The following MUC7 variants were observed in gnomAD, a reference collection of about 807,000 sequenced individuals.
MUC7 encodes mucin-7.
Under a neutral mutation model 2.5 loss-of-function variants are expected in MUC7, and 2 were observed. That is an observed-to-expected ratio of 0.81 (90% CI 0.33 to 2.55). The LOEUF is 2.55. MUC7 is among the 30% of genes most tolerant of loss of function. The pLI is 0.11. For missense variants in MUC7, 408 were observed against 455.6 expected, an observed-to-expected ratio of 0.90 and a Z score of 0.95; for synonymous variants, 133 against 173.4, an observed-to-expected ratio of 0.77 and a Z score of 1.83.
intron 1 of MUC7, among the ~76,000 whole-genome samples, chr4:70,444,716 C>T (rs1577900749): frequency 1.3e-5 from 2 of 152,160 alleles, no homozygotes; most frequent in African/African-American, 2.4e-5. Flanking sequence ...ATATCATATA[C>T]TGGTACTTAT....
intron 1 of MUC7, among the ~76,000 whole-genome samples, chr4:70,441,960 T>C (rs1246046603): frequency 1.3e-5 from 2 of 152,100 alleles, no homozygotes; most frequent in African/African-American, 4.8e-5. Flanking sequence ...GGTGAGTGAA[T>C]ACAACTCTAG....
chr4:70,432,839 C>A (rs1043791889), intron 1 of MUC7, among the ~76,000 whole-genome samples: 2 of 152,100 alleles, frequency 1.3e-5, no homozygotes, highest in African/African-American at 4.8e-5. Flanking sequence ...CCTAGGTTTT[C>A]TTCTAAGGTT....
At chr4:70,451,595 C>G (rs1173304546) in intron 1 of MUC7, among the ~76,000 whole-genome samples, 1 of 151,834 alleles carries the variant, frequency 6.6e-6, no homozygotes, top group East Asian at 1.9e-4. Context: ...TTATTGATTT[C>G]TAGTTTCATT....
chr4:70,475,886 T>C (rs1028067090), intron 2 of MUC7, among the ~76,000 whole-genome samples: 3 of 152,190 alleles, frequency 2.0e-5, no homozygotes, highest in African/African-American at 7.2e-5. Context: ...TTCTCATATT[T>C]CTCACTTACC....
At chr4:70,446,088 G>T (rs923368346) in intron 1 of MUC7, among the ~76,000 whole-genome samples, 1 of 152,140 alleles carries the variant, frequency 6.6e-6, no homozygotes, top group Non-Finnish European at 1.5e-5. Context: ...CACTCAGGTA[G>T]GTCCTTAGGA....
At chr4:70,445,006 A>T (rs1480765541) in intron 1 of MUC7, among the ~76,000 whole-genome samples, 1 of 152,208 alleles carries the variant, frequency 6.6e-6, no homozygotes, top group Non-Finnish European at 1.5e-5. Context: ...ACTCTACTCC[A>T]GCCTGGGTGA....
intron 1 of MUC7, among the ~76,000 whole-genome samples, chr4:70,447,840 T>C (rs1003577120): frequency 6.6e-6 from 1 of 152,120 alleles, no homozygotes; most frequent in Non-Finnish European, 1.5e-5. Context: ...AAATTATTTT[T>C]CACTGTAGTC....
At chr4:70,477,069 A>G (rs1025306782) in intron 2 of MUC7, among the ~76,000 whole-genome samples, 2 of 152,216 alleles carry the variant, frequency 1.3e-5, no homozygotes, top group African/African-American at 4.8e-5. Context: ...CATAAAAATA[A>G]GCTGGTAGCA....
intron 1 of MUC7, among the ~76,000 whole-genome samples, chr4:70,454,745 C>T (rs2109719105): frequency 6.6e-6 from 1 of 152,276 alleles, no homozygotes; most frequent in South Asian, 2.1e-4. Flanking sequence ...TGGTCCACCC[C>T]TCCATTTCTG....
chr4:70,440,882 T>C (rs934142578), intron 1 of MUC7, among the ~76,000 whole-genome samples: 2 of 152,060 alleles, frequency 1.3e-5, no homozygotes, highest in East Asian at 3.9e-4. Context: ...TCCCTCAAAA[T>C]ACATTTTGAG....
intron 2 of MUC7, among the ~76,000 whole-genome samples, chr4:70,479,531 G>A (rs960032600): frequency 2.6e-5 from 4 of 152,130 alleles, no homozygotes; most frequent in Admixed American, 2.0e-4. Context: ...GGAAGAAAAC[G>A]TAACCTATCC....
chr4:70,449,298 G>GA, intron 1 of MUC7, among the ~76,000 whole-genome samples: 1 of 152,250 alleles, frequency 6.6e-6, no homozygotes, highest in Admixed American at 6.5e-5. Context: ...TGTGGCTCGG[G>GA]AGGCCTCACA....
chr4:70,435,408 T>C (rs529656819), intron 1 of MUC7, among the ~76,000 whole-genome samples: 73 of 152,340 alleles, frequency 4.8e-4, no homozygotes, highest in African/African-American at 1.6e-3. Flanking sequence ...TGTATATATT[T>C]AGTACAGTTA....
intron 1 of MUC7, among the ~76,000 whole-genome samples, chr4:70,436,609 A>C (rs890990240): frequency 1.3e-5 from 2 of 151,944 alleles, no homozygotes; most frequent in African/African-American, 4.8e-5. Context: ...ACCTTTTTTC[A>C]ATGTTTTTAG....
chr4:70,461,190 T>G (rs1439060156), intron 1 of MUC7, among the ~76,000 whole-genome samples: 1 of 152,216 alleles, frequency 6.6e-6, no homozygotes, highest in East Asian at 1.9e-4. Context: ...CTCCTAGATG[T>G]TCTATTTGAG....
In MUC7 at chr4:70,481,902, C is replaced by A. The variant is rs778328457; in HGVS notation, c.*24C>A. ...AGTATATTGTATGTTGTAAAGTGTTCTGTCATTTACAAGATGTGATTCATG... is the reference window on the plus strand; with the variant it reads ...AGTATATTGTATGTTGTAAAGTGTTATGTCATTTACAAGATGTGATTCATG... On this transcript the variant is annotated 3_prime_UTR_variant, in exon 3 of 3. Coordinates refer to ENST00000304887, the MANE Select transcript of MUC7 (RefSeq NM_152291.3). The A allele has an allele frequency of 6.3e-6, 10 of 1,597,506 alleles. No homozygotes were observed. In the Admixed American group the frequency reaches 1.7e-4, roughly 27 times the overall value.
At chr4:70,480,179 T>C (rs1735124424) in intron 2 of MUC7, among the ~76,000 whole-genome samples, 1 of 152,246 alleles carries the variant, frequency 6.6e-6, no homozygotes, top group Non-Finnish European at 1.5e-5. Context: ...CCCCGAATCA[T>C]GAATTCTATA....
intron 1 of MUC7, among the ~76,000 whole-genome samples, chr4:70,436,111 C>G (rs1217178535): frequency 1.3e-5 from 2 of 152,154 alleles, no homozygotes; most frequent in Non-Finnish European, 2.9e-5. Flanking sequence ...GTAGCCTAAC[C>G]TTTCTCTCTG....
intron 2 of MUC7, 51 bp from the exon 3 acceptor site, chr4:70,480,748 T>C (rs1393765312): frequency 2.5e-6 from 4 of 1,577,428 alleles, no homozygotes; most frequent in South Asian, 2.4e-5. Flanking sequence ...GATCACCTGA[T>C]TGATAAATGG....
Sources: gnomAD v4.1 joint callset for allele counts (sites outside exome capture counted in the v4.1 genomes callset) on GRCh38, gnomAD v4.1.1 for gene constraint, MANE v1.5 for transcripts, NCBI Gene and HGNC (gene_info 2026-07-23, HGNC 2026-07-21) for gene names.